The following ZNF69 variants were observed in gnomAD, a reference collection of about 807,000 sequenced individuals.
The protein encoded by ZNF69 is ZNF3.
In ZNF69, 47 loss-of-function variants were observed where a neutral mutation model predicts 50.9. The observed-to-expected ratio is 0.92, with a 90% CI of 0.73 to 1.18. ZNF69 has a LOEUF of 1.18. ZNF69 is among the 50% of genes most tolerant of loss of function. ZNF69 has a pLI of 0.00. For missense variants in ZNF69, 717 were observed against 675.1 expected (o/e 1.06, Z -0.69); for synonymous variants, 216 against 223.1 (o/e 0.97, Z 0.29).
downstream of ZNF69, among the ~76,000 whole-genome samples, chr19:11,914,647 G>T (rs1972505604): frequency 6.6e-6 from 1 of 152,152 alleles, no homozygotes; most frequent in Admixed American, 6.5e-5. Context: ...ACATGGAAAA[G>T]TTTCTTTTAT....
At chr19:11,948,072 G>A in the ZNF69 span, among the ~76,000 whole-genome samples, 1 of 152,162 alleles carries the variant, frequency 6.6e-6, no homozygotes, top group Non-Finnish European at 1.5e-5. Context: ...ATACTATTAA[G>A]AAGCCCCTTA....
chr19:11,925,631 T>C, the ZNF69 span, among the ~76,000 whole-genome samples: 2 of 152,170 alleles, frequency 1.3e-5, no homozygotes, highest in East Asian at 1.9e-4. Flanking sequence ...GGAGGAGCAG[T>C]GGTCTGTGGG....
the ZNF69 span, among the ~76,000 whole-genome samples, chr19:11,957,788 T>A: frequency 1.3e-5 from 2 of 151,910 alleles, no homozygotes; most frequent in Non-Finnish European, 2.9e-5. Context: ...GAGGTTGCAG[T>A]GAGCCAAGAT....
At chr19:11,948,208 A>G in the ZNF69 span, 25,940 of 1,537,084 alleles carry the variant, frequency 0.017, 267 homozygotes, top group South Asian at 0.024. Context: ...TGCAAGTGCA[A>G]TACTTGTTGA....
At chr19:11,930,555 GAATT>G in the ZNF69 span, among the ~76,000 whole-genome samples, 3 of 148,602 alleles carry the variant, frequency 2.0e-5, no homozygotes, top group Admixed American at 1.3e-4. Context: ...GGCAACTCTA[GAATT>G]AATTAAATTA....
the ZNF69 span, among the ~76,000 whole-genome samples, chr19:11,923,216 A>G: frequency 2.6e-5 from 4 of 152,204 alleles, no homozygotes; most frequent in African/African-American, 9.7e-5. Flanking sequence ...ATTTTGCAGC[A>G]GTAGTTGGGT....
chr19:11,950,639 CT>C, the ZNF69 span: 1 of 355,828 alleles, frequency 2.8e-6, no homozygotes. Context: ...ATGGGAAAGC[CT>C]TCAGATCTGC....
the ZNF69 span, among the ~76,000 whole-genome samples, chr19:11,945,843 G>A: frequency 2.6e-5 from 4 of 152,218 alleles, no homozygotes; most frequent in African/African-American, 9.6e-5. Flanking sequence ...GCAAGGGCAA[G>A]GAGAAGTCGG....
chr19:11,915,248 C>T (rs1972511726), downstream of ZNF69, among the ~76,000 whole-genome samples: 1 of 152,178 alleles, frequency 6.6e-6, no homozygotes, highest in Admixed American at 6.5e-5. Context: ...AATTCAACCC[C>T]TGCCTCATCC....
chr19:11,950,253 G>A, the ZNF69 span: 1 of 1,605,210 alleles, frequency 6.2e-7, no homozygotes, highest in Middle Eastern at 1.7e-4. Context: ...CATTCAGCTA[G>A]CCTGGTTCCT....
intron 1 of ZNF69, among the ~76,000 whole-genome samples, chr19:11,903,095 C>T (rs140933336): frequency 6.6e-6 from 1 of 152,244 alleles, no homozygotes; most frequent in African/African-American, 2.4e-5. Flanking sequence ...CACGATGGTG[C>T]CACTACACTC....
At chr19:11,901,491 G>A (rs1972243265) in intron 1 of ZNF69, among the ~76,000 whole-genome samples, 1 of 152,018 alleles carries the variant, frequency 6.6e-6, no homozygotes, top group South Asian at 2.1e-4. Flanking sequence ...CATTCTTATG[G>A]TGTTTTGTTT....
chr19:11,979,872 G>A, the ZNF69 span: 5 of 1,466,176 alleles, frequency 3.4e-6, no homozygotes, highest in Non-Finnish European at 4.8e-6. Flanking sequence ...ACACACGTAA[G>A]AATGCACTCT....
At chr19:11,938,428 C>T in the ZNF69 span, among the ~76,000 whole-genome samples, 1 of 152,092 alleles carries the variant, frequency 6.6e-6, no homozygotes, top group South Asian at 2.1e-4. Context: ...TGTTCCCCTC[C>T]CTGGGTCCAA....
chr19:11,929,484 C>T, the ZNF69 span, among the ~76,000 whole-genome samples: 17 of 148,256 alleles, frequency 1.1e-4, no homozygotes, highest in Non-Finnish European at 1.5e-5. Flanking sequence ...TTCAAACAGC[C>T]TATGTAGGTA....
At chr19:11,925,851 C>A in the ZNF69 span, among the ~76,000 whole-genome samples, 20 of 152,320 alleles carry the variant, frequency 1.3e-4, no homozygotes, top group East Asian at 2.7e-3. Context: ...CAACCCCAAG[C>A]AGCCTGGAGT....
At chr19:11,949,067 G>A in the ZNF69 span, 1 of 1,609,562 alleles carries the variant, frequency 6.2e-7, no homozygotes, top group Non-Finnish European at 8.5e-7. Flanking sequence ...TATCTTATAA[G>A]TTTTCAAACA....
Position 11,905,556 on chromosome 19 carries a change from C to T in ZNF69, c.1159C>T (p.Pro387Ser), listed in dbSNP as rs992296559. ...RHEKTHSGEK[P>S]YKCKQCGKAF... ...TGAAAAAACTCACAGTGGAGAGAAA[C>T]CCTATAAATGCAAGCAATGTGGTAA... Residue 387 changes from proline to serine, a missense_variant, in exon 4 of 4, where the codon CCC becomes TCC. Coordinates refer to ENST00000429654, the MANE Select transcript of ZNF69 (RefSeq NM_001364730.1). 1.7e-5 allele frequency: 27 copies of T among 1,613,430 alleles called. No individual in the cohort carries two copies. Among genetic ancestry groups the T allele is most frequent in the Non-Finnish European group, 2.0e-5 (24 of 1,179,930 alleles).
At chr19:11,908,674 T>C (rs999623727), downstream of ZNF69, among the ~76,000 whole-genome samples, 2 of 152,094 alleles carry the variant, frequency 1.3e-5, no homozygotes, top group African/African-American at 4.8e-5. Context: ...TTAAAGCAGT[T>C]TGTAGAGGGA....
Sources: allele counts gnomAD v4.1 joint callset (sites outside exome capture counted in the v4.1 genomes callset), GRCh38; gene constraint gnomAD v4.1.1; transcripts MANE v1.5; gene names NCBI Gene and HGNC (gene_info 2026-07-23, HGNC 2026-07-21).